The following EPB41L3 variants were observed in gnomAD, a reference collection of about 807,000 sequenced individuals.
EPB41L3 encodes band 4.1-like protein 3.
Under a neutral mutation model 127.1 loss-of-function variants are expected in EPB41L3, and 57 were observed. The observed-to-expected ratio is 0.45, with a 90% CI of 0.36 to 0.56. The LOEUF is 0.56. Among genes scored for constraint, EPB41L3 ranks in the 20% least tolerant of loss-of-function variants. The pLI is 0.00. For missense variants in EPB41L3, 1,273 were observed against 1,372.2 expected (o/e 0.93, Z 1.14); for synonymous variants, 572 against 549.5 (o/e 1.04, Z -0.57).
intron 3 of EPB41L3, among the ~76,000 whole-genome samples, chr18:5,603,594 T>C (rs1311092096): frequency 1.3e-5 from 2 of 152,106 alleles, no homozygotes; most frequent in Non-Finnish European, 2.9e-5. Context: ...AGCTATAAAA[T>C]TTGAAGAAGG....
intron 3 of EPB41L3, among the ~76,000 whole-genome samples, chr18:5,592,871 T>C (rs1490332197): frequency 6.6e-6 from 1 of 152,218 alleles, no homozygotes; most frequent in Non-Finnish European, 1.5e-5. Context: ...ATTGTCGTAG[T>C]CTCTGGATGT....
chr18:5,567,715 A>G (rs1337969503), intron 3 of EPB41L3, among the ~76,000 whole-genome samples: 1 of 152,216 alleles, frequency 6.6e-6, no homozygotes, highest in Non-Finnish European at 1.5e-5. Context: ...ATATTTATCA[A>G]CAGATACATG....
intron 3 of EPB41L3, among the ~76,000 whole-genome samples, chr18:5,566,939 G>A (rs1222482889): frequency 6.6e-6 from 1 of 151,944 alleles, no homozygotes; most frequent in Non-Finnish European, 1.5e-5. Flanking sequence ...CCGAGTAGTT[G>A]GGATTACAGG....
intron 3 of EPB41L3, among the ~76,000 whole-genome samples, chr18:5,447,784 T>C (rs2081720175): frequency 6.6e-6 from 1 of 152,232 alleles, no homozygotes; most frequent in Non-Finnish European, 1.5e-5. Flanking sequence ...TACCTGGCTC[T>C]CACTTTTCTG....
intron 3 of EPB41L3, among the ~76,000 whole-genome samples, chr18:5,561,135 G>C (rs191059268): frequency 1.1e-4 from 16 of 150,664 alleles, no homozygotes; most frequent in Non-Finnish European, 2.4e-4. Context: ...CCGCCACTAC[G>C]CCCGGCTAAT....
intron 3 of EPB41L3, chr18:5,612,278 G>C (rs1038658336): frequency 6.6e-6 from 1 of 152,200 alleles, no homozygotes; most frequent in Non-Finnish European, 1.5e-5. Context: ...ATTCTCAGCA[G>C]ATAGTAGGAT....
intron 3 of EPB41L3, among the ~76,000 whole-genome samples, chr18:5,594,530 G>C (rs2094518558): frequency 6.6e-6 from 1 of 152,080 alleles, no homozygotes; most frequent in African/African-American, 2.4e-5. Context: ...TGATTTAATT[G>C]GTAATTTCAA....
chr18:5,435,571 G>C (rs2079648536), intron 6 of EPB41L3, among the ~76,000 whole-genome samples: 1 of 152,176 alleles, frequency 6.6e-6, no homozygotes, highest in African/African-American at 2.4e-5. Context: ...CTTTATCCTA[G>C]AGCCTAGATG....
intron 13 of EPB41L3, among the ~76,000 whole-genome samples, chr18:5,413,774 CGGA>C (rs2076475349): frequency 6.6e-6 from 1 of 152,104 alleles, no homozygotes. Context: ...ACTAGGGCTG[CGGA>C]GAAGGGTGAT....
intron 8 of EPB41L3, among the ~76,000 whole-genome samples, chr18:5,430,480 G>A (rs928615024): frequency 1.3e-5 from 2 of 150,704 alleles, no homozygotes; most frequent in African/African-American, 2.4e-5. Flanking sequence ...TTCATTAATC[G>A]CACGGCAAAA....
chr18:5,505,659 C>T (rs796997152), intron 1 of EPB41L3, among the ~76,000 whole-genome samples: 44 of 147,386 alleles, frequency 3.0e-4, no homozygotes, highest in African/African-American at 1.1e-3. Flanking sequence ...CCATCCACAC[C>T]TTCACCTCCA....
At chr18:5,452,538 T>C (rs2082419335) in intron 3 of EPB41L3, among the ~76,000 whole-genome samples, 1 of 152,104 alleles carries the variant, frequency 6.6e-6, no homozygotes. Flanking sequence ...GCAAATCTTA[T>C]AAAAATTCTT....
chr18:5,630,635 G>T, upstream of EPB41L3: 1 of 423,868 alleles, frequency 2.4e-6, no homozygotes, highest in Non-Finnish European at 4.6e-6. Flanking sequence ...CCTCCAAGTT[G>T]CCACCTGCAG....
At chr18:5,527,557 C>T (rs185448565) in intron 1 of EPB41L3, among the ~76,000 whole-genome samples, 47 of 152,258 alleles carry the variant, frequency 3.1e-4, no homozygotes, top group Admixed American at 2.8e-3. Context: ...GGATAAAAAT[C>T]CTGTTGCCAT....
intron 1 of EPB41L3, among the ~76,000 whole-genome samples, chr18:5,497,942 C>T (rs569712082): frequency 8.5e-5 from 13 of 152,186 alleles, no homozygotes; most frequent in African/African-American, 2.4e-4. Context: ...TTTTAGTCTC[C>T]GTAAAATTTT....
At chr18:5,597,831 C>A (rs2094551423) in intron 3 of EPB41L3, among the ~76,000 whole-genome samples, 1 of 152,108 alleles carries the variant, frequency 6.6e-6, no homozygotes, top group African/African-American at 2.4e-5. Context: ...CTTCATTTTC[C>A]AACTCTGGAA....
chr18:5,542,208 G>C (rs1028806118), intron 1 of EPB41L3, among the ~76,000 whole-genome samples: 5 of 152,216 alleles, frequency 3.3e-5, no homozygotes, highest in African/African-American at 7.2e-5. Context: ...GAGTTCACTG[G>C]AGCTTGATGT....
intron 1 of EPB41L3, among the ~76,000 whole-genome samples, chr18:5,617,724 T>G (rs1335838179): frequency 6.6e-6 from 1 of 152,168 alleles, no homozygotes; most frequent in African/African-American, 2.4e-5. Flanking sequence ...TATCTATTAC[T>G]TGATCAGAAG....
chr18:5,588,475 CAT>C lies in EPB41L3; in HGVS notation c.-306+23863_-306+23864del, dbSNP rs200165471. 2.5e-3 allele frequency among the ~76,000 whole-genome samples: 378 copies of C among 151,282 alleles called. 2 individuals are homozygous for C. Among genetic ancestry groups the C allele is most frequent in the African/African-American group, 4.0e-3 (167 of 41,246 alleles). On this transcript the variant is annotated intron_variant, in intron 3 of 21. Transcript: ENST00000545076. ...ACATATTTAAAAATATTTTAAATGT[CAT>C]ATATATACACATAAATATGTGTATA... is the stretch of plus-strand genomic sequence containing the variant.
Sources: gnomAD v4.1 joint callset for allele counts (sites outside exome capture counted in the v4.1 genomes callset) on GRCh38, gnomAD v4.1.1 for gene constraint, MANE v1.5 for transcripts, NCBI Gene and HGNC (gene_info 2026-07-23, HGNC 2026-07-21) for gene names.